MCFD2: variants seen among roughly 807,000 people sequenced by gnomAD.
The protein encoded by MCFD2 is multiple coagulation factor deficiency protein 2.
MCFD2 carries 11 observed loss-of-function variants against 12.8 expected under a neutral mutation model. The observed-to-expected ratio is 0.86, with a 90% confidence interval of 0.54 to 1.42. The LOEUF (loss-of-function observed/expected upper bound fraction) is 1.42, where lower values mean the gene tolerates loss of function less well. Ranked by LOEUF, MCFD2 falls within the 40% of genes most tolerant of loss-of-function variation. MCFD2 has a pLI of 0.00. For missense variants in MCFD2, 191 were observed against 178.6 expected (o/e 1.07, Z -0.40); for synonymous variants, 70 against 68.1 (o/e 1.03, Z -0.14).
At chr2:46,910,621 C>T (rs1668446441) in intron 1 of MCFD2, among the ~76,000 whole-genome samples, 1 of 152,152 alleles carries the variant, frequency 6.6e-6, no homozygotes, top group African/African-American at 2.4e-5. Flanking sequence ...CAGGGCAGAA[C>T]CCTGAAAGTG....
rs1668348141 is a variant in MCFD2, at chr2:46,908,674, T to C, written c.149+349A>G. The C allele has an allele frequency of 2.8e-6, 1 of 363,298 alleles. No homozygotes were observed. Among genetic ancestry groups the C allele is most frequent in the Non-Finnish European group, 5.2e-6 (1 of 191,628 alleles). 22.5% of individuals were successfully genotyped at this position (363,298 alleles called of 1,614,324 possible). On this transcript the variant is annotated intron_variant, in intron 2 of 3. Transcript: ENST00000319466. This position sits in a 1 kb window ranked among gnomAD's most constrained non-coding sequence, Gnocchi z 4.5. ...TGTTGATTTAAAAAAGGTCTTGTTATAGTCAAGAAACCTTAGCTATTTTCT... is the reference window on the plus strand; with the variant it reads ...TGTTGATTTAAAAAAGGTCTTGTTACAGTCAAGAAACCTTAGCTATTTTCT...
upstream of MCFD2, chr2:46,917,418 A>G (rs979910414): frequency 5.3e-6 from 3 of 560,774 alleles, no homozygotes; most frequent in South Asian, 2.3e-5. Flanking sequence ...CCATTCATCC[A>G]TCTCTTCATC....
chr2:46,906,314 TCTC>T (rs1668231300), intron 3 of MCFD2, among the ~76,000 whole-genome samples: 1 of 151,984 alleles, frequency 6.6e-6, no homozygotes, highest in African/African-American at 2.4e-5. Flanking sequence ...ACAATGCCAT[TCTC>T]CTGTGCAAAA....
At chr2:46,910,069 TA>T in intron 1 of MCFD2, among the ~76,000 whole-genome samples, 1 of 152,256 alleles carries the variant, frequency 6.6e-6, no homozygotes, top group East Asian at 1.9e-4. Flanking sequence ...CAGTGGCAAG[TA>T]ACTACAGTGA....
rs1384342785 is a variant in MCFD2 at position 46,908,263 on chromosome 2, A to AC, written c.150-295dup. On this transcript the variant is annotated intron_variant, in intron 2 of 3. Coordinates refer to ENST00000319466, the MANE Select transcript of MCFD2 (RefSeq NM_139279.6). This position sits in a 1 kb window ranked among gnomAD's most constrained non-coding sequence, Gnocchi z 4.5. The stretch of plus-strand genomic sequence containing the variant: ...TCAATTTAAAAATATGTCCTTTAAA[A>AC]CTTTTTTTTTTTTTTGAGACAGGGT... 2.4e-6 allele frequency: 1 copy of AC among 422,028 alleles called. No homozygotes were observed. Among genetic ancestry groups the AC allele is most frequent in the Non-Finnish European group, 4.3e-6 (1 of 230,046 alleles). 26.1% of individuals were successfully genotyped at this position (422,028 alleles called of 1,614,324 possible). A position where few individuals can be genotyped will look rare whatever the true frequency, so the allele number is the denominator to read the frequency against.
chr2:46,905,403 T>C lies in MCFD2; in HGVS notation c.*60A>G. The C allele has an allele frequency of 1.3e-6, 2 of 1,587,148 alleles. No individual in the cohort carries two copies. The highest frequency in any genetic ancestry group is 1.7e-6 in the Non-Finnish European group (2 of 1,157,722). On this transcript the variant is annotated 3_prime_UTR_variant, in exon 4 of 4. Transcript: ENST00000319466. ...AATGAGTTATTTTGCATTACTAAAG[T>C]GTTCAATCACATTATCACGGGTCAC...
At chr2:46,910,029 G>C (rs1311549735) in intron 1 of MCFD2, among the ~76,000 whole-genome samples, 1 of 152,148 alleles carries the variant, frequency 6.6e-6, no homozygotes, top group Admixed American at 6.5e-5. Context: ...CTGCGGCAGC[G>C]GACAAGGTTC....
chr2:46,933,573 T>C (rs1457119430), intron 1 of MCFD2, among the ~76,000 whole-genome samples: 1 of 152,188 alleles, frequency 6.6e-6, no homozygotes, highest in Non-Finnish European at 1.5e-5. Context: ...GCTGGTTCAG[T>C]ATTGAAATTA....
rs973623568 is a variant in MCFD2 at position 46,902,059 on chromosome 2, A to G, written c.*3404T>C. On this transcript the variant is annotated 3_prime_UTR_variant, in exon 4 of 4. Transcript: ENST00000319466. ...ACTGTAATAAAGAAAATAAGTCTGT[A>G]TACATCCTACGACAAATTTTGTAGT... 4.6e-4 allele frequency: 70 copies of G among 152,818 alleles called. No homozygotes were observed. The highest frequency in any genetic ancestry group is 1.6e-3 in the African/African-American group (65 of 41,592). The allele number at this position is 152,818 out of a possible 1,614,324, so 9.5% of individuals were successfully genotyped here.
intron 1 of MCFD2, among the ~76,000 whole-genome samples, chr2:46,925,593 G>T (rs1039046514): frequency 1.3e-5 from 2 of 152,060 alleles, no homozygotes; most frequent in Non-Finnish European, 1.5e-5. Context: ...TGCCTGGTCA[G>T]AATAAATTAA....
chr2:46,928,027 G>C (rs1188981194), intron 1 of MCFD2, among the ~76,000 whole-genome samples: 1 of 150,190 alleles, frequency 6.7e-6, no homozygotes, highest in East Asian at 2.0e-4. Context: ...CTAAGTAGCT[G>C]ACCACTGGCA....
In MCFD2 at chr2:46,908,444, A is replaced by C. The variant is rs1289289566; in HGVS notation, c.150-475T>G. On this transcript the variant is annotated intron_variant, in intron 2 of 3. Transcript: ENST00000319466. The surrounding 1 kb of genome is among the most constrained non-coding windows in gnomAD (Gnocchi z 4.5). ...TCCAGCTAATTTTTTGCAATTTTTT[A>C]GTAGAGACAGGTTTTCCCTATATTG... The C allele has an allele frequency of 4.1e-5, 11 of 268,412 alleles. No individual in the cohort carries two copies. The highest frequency in any genetic ancestry group is 3.9e-4 in the South Asian group (10 of 25,532). 16.6% of individuals were successfully genotyped at this position (268,412 alleles called of 1,614,324 possible). A position where few individuals can be genotyped will look rare whatever the true frequency, so the allele number is the denominator to read the frequency against.
intron 1 of MCFD2, among the ~76,000 whole-genome samples, chr2:46,922,373 G>A (rs1389660175): frequency 1.3e-5 from 2 of 152,160 alleles, no homozygotes; most frequent in Non-Finnish European, 2.9e-5. Flanking sequence ...GGCCTGGGCT[G>A]AGGCTATGTT....
chr2:46,933,241 G>C (rs1216614690), intron 1 of MCFD2, among the ~76,000 whole-genome samples: 2 of 152,142 alleles, frequency 1.3e-5, no homozygotes, highest in Non-Finnish European at 2.9e-5. Flanking sequence ...GAAGGGACTG[G>C]GATGGTGGGA....
chr2:46,917,023 G>A (rs1352058941), upstream of MCFD2, among the ~76,000 whole-genome samples: 2 of 152,108 alleles, frequency 1.3e-5, no homozygotes, highest in African/African-American at 4.8e-5. Context: ...GGACAGGAAA[G>A]ACAAAGAAAG....
chr2:46,918,213 G>A (rs143632291), upstream of MCFD2, among the ~76,000 whole-genome samples: 12 of 152,242 alleles, frequency 7.9e-5, no homozygotes, highest in East Asian at 2.1e-3. Context: ...GTGCATTTTA[G>A]TAAATGTCAC....
chr2:46,917,401 G>A, upstream of MCFD2: 2 of 562,066 alleles, frequency 3.6e-6, no homozygotes, highest in East Asian at 3.1e-5. Flanking sequence ...CTTCTACCCT[G>A]CATCTGCCAT....
rs1254229941 is a variant in MCFD2, at chr2:46,937,583, T to C, written c.-8+3989A>G. Among the ~76,000 whole-genome samples, 2 of 152,156 alleles carry C rather than the reference T, an allele frequency of 1.3e-5. No individual in the cohort carries two copies. Among genetic ancestry groups the C allele is most frequent in the Non-Finnish European group, 2.9e-5 (2 of 68,012 alleles). On this transcript the variant is annotated intron_variant, in intron 1 of 2. Coordinates refer to the MCFD2 transcript ENST00000409147. The surrounding 1 kb of genome is among the most constrained non-coding windows in gnomAD (Gnocchi z 4.0). Reference sequence around the variant, plus strand: ...AAAACATTGGATGAAAAAGTCAGAATGGAAAACCCCCCAATGATGATTTTT... The same window carrying C: ...AAAACATTGGATGAAAAAGTCAGAACGGAAAACCCCCCAATGATGATTTTT...
At position 46,941,262 on chromosome 2, in the gene MCFD2, A is replaced by G. The variant is rs1670334552; in HGVS notation, c.-8+310T>C. 6.5e-6 allele frequency: 1 copy of G among 153,586 alleles called. No homozygotes were observed. The highest frequency in any genetic ancestry group is 1.4e-5 in the Non-Finnish European group (1 of 70,488). The allele number at this position is 153,586 out of a possible 1,614,324, so 9.5% of individuals were successfully genotyped here. A position where few individuals can be genotyped will look rare whatever the true frequency, so the allele number is the denominator to read the frequency against. On this transcript the variant is annotated intron_variant, in intron 1 of 2. Transcript: ENST00000409147. This position sits in a 1 kb window ranked among gnomAD's most constrained non-coding sequence, Gnocchi z 4.2. Reference sequence around the variant, plus strand: ...CAGCGGCGGCGGCGGCGGCAGCGCCAGGAGCTGCTACAGCAGAGGCGGAGG... The same window carrying G: ...CAGCGGCGGCGGCGGCGGCAGCGCCGGGAGCTGCTACAGCAGAGGCGGAGG...
Sources: gnomAD v4.1 joint callset for allele counts (sites outside exome capture counted in the v4.1 genomes callset) on GRCh38, gnomAD v4.1.1 for gene constraint, Gnocchi (gnomAD v3.1) non-coding constraint, MANE v1.5 for transcripts, NCBI Gene and HGNC (gene_info 2026-07-23, HGNC 2026-07-21) for gene names.